The following SPIN1 variants were observed in gnomAD, a reference collection of about 807,000 sequenced individuals.
SPIN1 encodes the protein spindlin-1.
In SPIN1, 3 loss-of-function variants were observed where a neutral mutation model predicts 26.0. That is an observed-to-expected ratio of 0.12 (90% CI 0.05 to 0.30). SPIN1 has a LOEUF of 0.30. Ranked by LOEUF, SPIN1 falls within the 10% of genes least tolerant of loss-of-function variation. The probability of loss-of-function intolerance (pLI) is 1.00; values close to 1 mark genes in which losing one functional copy is unlikely to be tolerated. For synonymous variants in SPIN1, 101 were observed against 116.5 expected, an observed-to-expected ratio of 0.87 and a Z score of 0.86; for missense variants, 126 against 333.4, an observed-to-expected ratio of 0.38 and a Z score of 4.84.
At chr9:88,451,652 C>T (rs1380672163) in intron 3 of SPIN1, among the ~76,000 whole-genome samples, 1 of 152,196 alleles carries the variant, frequency 6.6e-6, no homozygotes, top group Admixed American at 6.5e-5. Context: ...CCTCCACCTC[C>T]TGGGTTCAAC....
At position 88,426,412 on chromosome 9, in the gene SPIN1, A is replaced by G. The variant is rs1439777938; in HGVS notation, c.-128A>G. ...TTGTGATTTCACGTATTTTTGCTGA[A>G]CTCGTAAAAGAGACACTTGGATGGT... On this transcript the variant is annotated 5_prime_UTR_variant, in exon 2 of 6. Coordinates refer to ENST00000375859, the MANE Select transcript of SPIN1 (RefSeq NM_006717.3). 1 of 657,724 alleles carries G rather than the reference A, an allele frequency of 1.5e-6. No individual in the cohort carries two copies. Among genetic ancestry groups the G allele is most frequent in the Non-Finnish European group, 2.6e-6 (1 of 379,786 alleles). The allele number at this position is 657,724 out of a possible 1,614,324, so 40.7% of individuals were successfully genotyped here. A position where few individuals can be genotyped will look rare whatever the true frequency, so the allele number is the denominator to read the frequency against.
At chr9:88,394,063 G>C (rs898200518) in intron 1 of SPIN1, among the ~76,000 whole-genome samples, 2 of 151,960 alleles carry the variant, frequency 1.3e-5, no homozygotes, top group Admixed American at 6.6e-5. Context: ...TGGTCCAGCT[G>C]GTCTCAAACT....
At chr9:88,466,759 C>G (rs1411334935) in intron 4 of SPIN1, among the ~76,000 whole-genome samples, 1 of 152,040 alleles carries the variant, frequency 6.6e-6, no homozygotes, top group Non-Finnish European at 1.5e-5. Context: ...GTTGTTAAGA[C>G]AGGGCCTCAC....
At chr9:88,443,119 C>CAA (rs769488109) in intron 2 of SPIN1, among the ~76,000 whole-genome samples, 889 of 81,196 alleles carry the variant, frequency 0.011, 24 homozygotes, top group African/African-American at 0.028. Flanking sequence ...GACTCCATCT[C>CAA]AAAAAAAAAA....
chr9:88,448,227 A>G (rs1183816464), intron 2 of SPIN1, among the ~76,000 whole-genome samples: 1 of 151,936 alleles, frequency 6.6e-6, no homozygotes, highest in Non-Finnish European at 1.5e-5. Context: ...TATTTTTAGG[A>G]GAGACAGGGT....
At chr9:88,435,386 TG>T (rs1827980524) in intron 2 of SPIN1, among the ~76,000 whole-genome samples, 1 of 151,972 alleles carries the variant, frequency 6.6e-6, no homozygotes, top group African/African-American at 2.4e-5. Context: ...GGCTAATTTT[TG>T]AATTTTTTAG....
chr9:88,398,848 T>A (rs1398983268), intron 1 of SPIN1, among the ~76,000 whole-genome samples: 1 of 152,038 alleles, frequency 6.6e-6, no homozygotes, highest in Non-Finnish European at 1.5e-5. Flanking sequence ...ATTACAGGCG[T>A]GAGCCACCGT....
intron 2 of SPIN1, among the ~76,000 whole-genome samples, chr9:88,443,059 G>C (rs1828169845): frequency 6.7e-6 from 1 of 148,778 alleles, no homozygotes; most frequent in South Asian, 2.1e-4. Flanking sequence ...GGCAGAGGTT[G>C]CAGTGAGCCA....
intron 3 of SPIN1, among the ~76,000 whole-genome samples, chr9:88,450,652 G>C (rs189370682): frequency 9.0e-4 from 137 of 152,226 alleles, no homozygotes; most frequent in Non-Finnish European, 1.1e-3. Flanking sequence ...CCACATTTGG[G>C]GACCTTAATT....
At chr9:88,440,274 C>T (rs1828092404) in intron 2 of SPIN1, among the ~76,000 whole-genome samples, 4 of 149,700 alleles carry the variant, frequency 2.7e-5, no homozygotes, top group Admixed American at 2.7e-4. Flanking sequence ...TATGATTCCA[C>T]CTTTTTCCCT....
chr9:88,422,867 G>A (rs1324867905), intron 1 of SPIN1, among the ~76,000 whole-genome samples: 1 of 152,054 alleles, frequency 6.6e-6, no homozygotes, highest in East Asian at 1.9e-4. Flanking sequence ...CCACCACCAT[G>A]CCTGGCTAAT....
chr9:88,467,678 A>T (rs895647938), intron 4 of SPIN1, among the ~76,000 whole-genome samples: 6 of 152,202 alleles, frequency 3.9e-5, no homozygotes, highest in Admixed American at 2.0e-4. Flanking sequence ...TTTTCAAATT[A>T]TAAAGGGAAG....
At chr9:88,405,260 G>C (rs190334001) in intron 1 of SPIN1, among the ~76,000 whole-genome samples, 11 of 152,072 alleles carry the variant, frequency 7.2e-5, no homozygotes, top group African/African-American at 1.9e-4. Flanking sequence ...ACAGGGTCTC[G>C]CTCTGTCTCC....
At chr9:88,423,706 G>A (rs1238933144) in intron 1 of SPIN1, among the ~76,000 whole-genome samples, 1 of 150,598 alleles carries the variant, frequency 6.6e-6, no homozygotes, top group East Asian at 1.9e-4. Flanking sequence ...GTGAACCACT[G>A]TGCCCAGCCT....
chr9:88,423,911 A>T (rs1162303962), intron 1 of SPIN1, among the ~76,000 whole-genome samples: 1 of 152,034 alleles, frequency 6.6e-6, no homozygotes, highest in Non-Finnish European at 1.5e-5. Flanking sequence ...GACCAAGGGC[A>T]TACGCCACCA....
chr9:88,401,946 A>G (rs1272894826), intron 1 of SPIN1, among the ~76,000 whole-genome samples: 1 of 152,220 alleles, frequency 6.6e-6, no homozygotes, highest in African/African-American at 2.4e-5. Flanking sequence ...CATAGAATGT[A>G]TAATGATCAA....
intron 1 of SPIN1, among the ~76,000 whole-genome samples, chr9:88,400,470 C>T (rs927154367): frequency 6.6e-6 from 1 of 152,118 alleles, no homozygotes; most frequent in Non-Finnish European, 1.5e-5. Context: ...TGACTGAGGC[C>T]CATCCACAAG....
chr9:88,444,052 G>A (rs1448957129), intron 2 of SPIN1, among the ~76,000 whole-genome samples: 1 of 151,890 alleles, frequency 6.6e-6, no homozygotes, highest in Admixed American at 6.6e-5. Flanking sequence ...CTCCAGTTTT[G>A]GGGACAGTTG....
intron 1 of SPIN1, among the ~76,000 whole-genome samples, chr9:88,398,225 A>G (rs900769759): frequency 6.6e-6 from 1 of 151,936 alleles, no homozygotes; most frequent in African/African-American, 2.4e-5. Flanking sequence ...CCACTGCACT[A>G]CAGGCATGAG....
Sources: gnomAD v4.1 joint callset for allele counts (sites outside exome capture counted in the v4.1 genomes callset) on GRCh38, gnomAD v4.1.1 for gene constraint, MANE v1.5 for transcripts, NCBI Gene and HGNC (gene_info 2026-07-23, HGNC 2026-07-21) for gene names.